The following ACTL8 variants were observed in gnomAD, a reference collection of about 807,000 sequenced individuals.
ACTL8 encodes actin-like protein 8.
A neutral mutation model predicts 9.3 loss-of-function variants in ACTL8; 3 were observed. That is an observed-to-expected ratio of 0.32 (90% CI 0.15 to 0.83). The LOEUF is 0.83. Among genes scored for constraint, ACTL8 ranks in the 40% least tolerant of loss-of-function variants. ACTL8 has a pLI of 0.57. For synonymous variants in ACTL8, 224 were observed against 205.9 expected (o/e 1.09, Z -0.75); for missense variants, 381 against 492.2 (o/e 0.77, Z 2.14).
chr1:17,802,541 G>A (rs956824077), intron 1 of ACTL8, among the ~76,000 whole-genome samples: 11 of 152,192 alleles, frequency 7.2e-5, no homozygotes, highest in Middle Eastern at 3.4e-3. Flanking sequence ...ACTACCGCGG[G>A]TAAGGAACAG....
intron 1 of ACTL8, among the ~76,000 whole-genome samples, chr1:17,779,233 C>T (rs7553941): frequency 0.28 from 42,981 of 151,916 alleles, 6,601 homozygotes; most frequent in Admixed American, 0.37. Context: ...CCTCTCCCTC[C>T]CACAACCCCT....
At chr1:17,776,842 C>A (rs950473691) in intron 1 of ACTL8, among the ~76,000 whole-genome samples, 1 of 152,088 alleles carries the variant, frequency 6.6e-6, no homozygotes. Context: ...CTCTAGCTCC[C>A]AGGCAGGAGT....
At chr1:17,814,127 A>G (rs115070343) in intron 1 of ACTL8, among the ~76,000 whole-genome samples, 3,524 of 152,324 alleles carry the variant, frequency 0.023, 131 homozygotes, top group African/African-American at 0.078. Flanking sequence ...GATCAACCAC[A>G]GATGGCATAT....
chr1:17,808,445 T>G (rs556961234), intron 1 of ACTL8, among the ~76,000 whole-genome samples: 1 of 152,326 alleles, frequency 6.6e-6, no homozygotes, highest in South Asian at 2.1e-4. Flanking sequence ...ATCATGGCAG[T>G]GATTAAGAGC....
intron 1 of ACTL8, among the ~76,000 whole-genome samples, chr1:17,778,622 G>C (rs991274293): frequency 6.6e-6 from 1 of 152,176 alleles, no homozygotes; most frequent in Admixed American, 6.5e-5. Context: ...TCGCACAGCT[G>C]TACCTTGGAT....
intron 1 of ACTL8, among the ~76,000 whole-genome samples, chr1:17,791,891 C>T (rs1016432317): frequency 7.2e-5 from 11 of 152,210 alleles, no homozygotes; most frequent in African/African-American, 2.4e-4. Flanking sequence ...GAGCTTCACC[C>T]CCAACTTGAT....
chr1:17,776,473 G>C (rs1014127404), intron 1 of ACTL8, among the ~76,000 whole-genome samples: 4 of 152,112 alleles, frequency 2.6e-5, no homozygotes, highest in African/African-American at 9.7e-5. Context: ...AGGAGTTGCG[G>C]GGTGAGGCTC....
At chr1:17,776,273 C>CCT (rs1260192779) in intron 1 of ACTL8, among the ~76,000 whole-genome samples, 1 of 152,188 alleles carries the variant, frequency 6.6e-6, no homozygotes, top group African/African-American at 2.4e-5. Context: ...TGACAGCTGT[C>CCT]CTCTCTGAGA....
At chr1:17,760,131 T>A (rs1045234704) in intron 1 of ACTL8, among the ~76,000 whole-genome samples, 1 of 152,166 alleles carries the variant, frequency 6.6e-6, no homozygotes, top group Non-Finnish European at 1.5e-5. Context: ...TTTTGTGTTA[T>A]GCGTTTTCAT....
chr1:17,812,512 C>T (rs896962080), intron 1 of ACTL8, among the ~76,000 whole-genome samples: 2 of 150,360 alleles, frequency 1.3e-5, no homozygotes, highest in Non-Finnish European at 3.0e-5. Flanking sequence ...TCACTGCAAC[C>T]TCCGCCTCCC....
chr1:17,804,911 G>A (rs61766678), intron 1 of ACTL8, among the ~76,000 whole-genome samples: 3,693 of 152,036 alleles, frequency 0.024, 68 homozygotes, highest in Middle Eastern at 0.037. Flanking sequence ...CACTGTGCCC[G>A]GCAGTCCTCA....
chr1:17,766,404 C>T (rs116952075), intron 1 of ACTL8, among the ~76,000 whole-genome samples: 19 of 152,258 alleles, frequency 1.2e-4, no homozygotes, highest in East Asian at 1.2e-3. Context: ...TGGCTCAAAC[C>T]CGGGTCTTCT....
intron 1 of ACTL8, among the ~76,000 whole-genome samples, chr1:17,769,778 C>T (rs968422559): frequency 1.3e-5 from 2 of 152,222 alleles, no homozygotes; most frequent in Admixed American, 6.5e-5. Context: ...CTGTGTAGGG[C>T]TTCTTGGGCC....
At chr1:17,808,637 T>C (rs11809143) in intron 1 of ACTL8, among the ~76,000 whole-genome samples, 3,855 of 152,336 alleles carry the variant, frequency 0.025, 128 homozygotes, top group African/African-American at 0.078. Flanking sequence ...GTGAGAAGTA[T>C]CATACCCAGT....
At chr1:17,818,697 G>T (rs547409001) in intron 1 of ACTL8, among the ~76,000 whole-genome samples, 1 of 152,324 alleles carries the variant, frequency 6.6e-6, no homozygotes, top group African/African-American at 2.4e-5. Context: ...CTAGAAGGAG[G>T]CCTTTGATGA....
At chr1:17,769,733 AGAGTCAACCCCAGCT>A (rs1189983899) in intron 1 of ACTL8, among the ~76,000 whole-genome samples, 1 of 152,202 alleles carries the variant, frequency 6.6e-6, no homozygotes, top group Non-Finnish European at 1.5e-5. Context: ...CTCAGCTCAT[AGAGTCAACCCCAGCT>A]CGGGGCCAAC....
chr1:17,765,467 G>C (rs562895138), intron 1 of ACTL8, among the ~76,000 whole-genome samples: 2 of 152,128 alleles, frequency 1.3e-5, no homozygotes, highest in African/African-American at 4.8e-5. Flanking sequence ...TAACCATATG[G>C]AGTTGGTGTG....
At chr1:17,765,672 G>A (rs141973457) in intron 1 of ACTL8, among the ~76,000 whole-genome samples, 1 of 152,112 alleles carries the variant, frequency 6.6e-6, no homozygotes. Context: ...CACGTCACCC[G>A]GCTCTCTATA....
intron 1 of ACTL8, among the ~76,000 whole-genome samples, chr1:17,804,920 C>T (rs2066347940): frequency 6.6e-6 from 1 of 152,036 alleles, no homozygotes; most frequent in Non-Finnish European, 1.5e-5. Flanking sequence ...CGGCAGTCCT[C>T]ATCTTCTATC....
Sources: allele counts gnomAD v4.1 joint callset (sites outside exome capture counted in the v4.1 genomes callset), GRCh38; gene constraint gnomAD v4.1.1; transcripts MANE v1.5; gene names NCBI Gene and HGNC (gene_info 2026-07-23, HGNC 2026-07-21).